Variants in RXFP2 observed in about 807,000 individuals in gnomAD.
RXFP2 encodes the protein relaxin receptor 2.
RXFP2 carries 68 observed loss-of-function variants against 88.6 expected under a neutral mutation model. That is an observed-to-expected ratio of 0.77 (90% CI 0.63 to 0.94). RXFP2 has a LOEUF of 0.94. RXFP2 is among the 40% of genes least tolerant of loss of function. The pLI is 0.00. For missense variants in RXFP2, 791 were observed against 893.9 expected, an observed-to-expected ratio of 0.88 and a Z score of 1.47; for synonymous variants, 329 against 306.8, an observed-to-expected ratio of 1.07 and a Z score of -0.76.
At chr13:31,791,772 T>G in intron 14 of RXFP2, 34 bp from the exon 15 acceptor site, 1 of 1,456,656 alleles carries the variant, frequency 6.9e-7, no homozygotes. Flanking sequence ...GTATCATTGC[T>G]GCAAAGTGAC....
intron 5 of RXFP2, among the ~76,000 whole-genome samples, chr13:31,767,805 C>T (rs973209552): frequency 6.6e-6 from 1 of 152,104 alleles, no homozygotes; most frequent in African/African-American, 2.4e-5. Context: ...ATAGTTCTAG[C>T]AATCAACTGA....
intron 3 of RXFP2, among the ~76,000 whole-genome samples, chr13:31,762,549 T>C (rs190627953): frequency 7.4e-4 from 112 of 152,304 alleles, no homozygotes; most frequent in African/African-American, 2.4e-3. Flanking sequence ...ATCCCATAGA[T>C]AGAATTTTTG....
rs745337341 is a variant in RXFP2 at position 31,758,421 on chromosome 13, G to A, written c.241+17G>A. 6.2e-7 allele frequency: 1 copy of A among 1,613,698 alleles called. No individual in the cohort carries two copies. Among genetic ancestry groups the A allele is most frequent in the South Asian group, 1.1e-5 (1 of 91,074 alleles). On this transcript the variant is annotated intron_variant, in intron 2 of 17. Transcript: ENST00000298386. ...AGAACTGTGGTGAGTGCTCCCCTCGGCTCCCCATGTGTGCCTCACTTTATG... is the reference window on the plus strand; with the variant it reads ...AGAACTGTGGTGAGTGCTCCCCTCGACTCCCCATGTGTGCCTCACTTTATG...
rs191234714 is a variant in RXFP2 at position 31,775,601 on chromosome 13, T to C, written c.641+212T>C. The stretch of plus-strand genomic sequence containing the variant: ...ATTTTAGGATGCTAAGAACCATCTG[T>C]GGCCTCTACCCACTAGATGCCTGTA... On this transcript the variant is annotated intron_variant, in intron 7 of 17. Coordinates refer to ENST00000298386, the MANE Select transcript of RXFP2 (RefSeq NM_130806.5). Among the ~76,000 whole-genome samples the C allele has an allele frequency of 7.3e-3, 1,087 of 148,732 alleles. 8 individuals are homozygous for C. The highest frequency in any genetic ancestry group is 0.027 in the African/African-American group (1,025 of 38,178).
At chr13:31,759,061 T>A (rs73443766) in intron 2 of RXFP2, among the ~76,000 whole-genome samples, 26,354 of 144,660 alleles carry the variant, frequency 0.18, 2,310 homozygotes, top group Middle Eastern at 0.24. Context: ...AAAAAAAAAA[T>A]GCATAAAGTG....
chr13:31,782,850 G>T (rs770036784), intron 11 of RXFP2, 103 bp downstream of exon 11: 1 of 741,288 alleles, frequency 1.3e-6, no homozygotes, highest in Non-Finnish European at 2.4e-6. Context: ...TCAAAATCCT[G>T]TAGACTATTG....
In RXFP2 at chr13:31,765,022, T is replaced by TAC; in HGVS notation, c.320-15_320-14insAC. The stretch of plus-strand genomic sequence containing the variant: ...TTTGTTTACTAGTGAAATCTTACTC[T>TAC]TTTTGTCCCATTAGTTCTAAAACAG... On this transcript the variant is annotated splice_polypyrimidine_tract_variant and intron_variant, in intron 3 of 17. Coordinates refer to ENST00000298386, the MANE Select transcript of RXFP2 (RefSeq NM_130806.5). 1 of 1,398,650 alleles carries TAC rather than the reference T, an allele frequency of 7.1e-7. No homozygotes were observed. The highest frequency in any genetic ancestry group is 1.4e-5 in the African/African-American group (1 of 70,766). 86.6% of individuals were successfully genotyped at this position (1,398,650 alleles called of 1,614,324 possible).
intron 7 of RXFP2, among the ~76,000 whole-genome samples, chr13:31,776,955 C>A (rs910365870): frequency 6.6e-6 from 1 of 152,148 alleles, no homozygotes; most frequent in East Asian, 1.9e-4. Context: ...AGTTTAACAC[C>A]ATGTGACCAA....
intron 1 of RXFP2, among the ~76,000 whole-genome samples, chr13:31,751,327 T>C (rs1871664525): frequency 6.6e-6 from 1 of 151,610 alleles, no homozygotes; most frequent in Non-Finnish European, 1.5e-5. Context: ...ATATACACAA[T>C]ATAGGAAAGA....
At chr13:31,797,486 C>A in intron 17 of RXFP2, 67 bp downstream of exon 17, 1 of 1,137,024 alleles carries the variant, frequency 8.8e-7, no homozygotes, top group Non-Finnish European at 1.3e-6. Flanking sequence ...TTTGACAAGG[C>A]CAGAGTCTAG....
chr13:31,739,705 A>T lies in RXFP2; in HGVS notation c.93A>T (p.Lys31Asn). ...LLHFIVLINVKDFALTQGSMI... is the reference protein window; with the variant it reads ...LLHFIVLINVNDFALTQGSMI... ...ATTTCATCGTTCTGATCAATGTCAA[A>T]GGTAAGGTTGCTACTTTCTCGTTTT... The change falls in exon 1 of 18, where the codon AAA (lysine) becomes AAT (asparagine). Residue 31 changes from lysine (K) to asparagine (N), a missense_variant and splice_region_variant. Coordinates refer to ENST00000298386, the MANE Select transcript of RXFP2 (RefSeq NM_130806.5). The T allele has an allele frequency of 1.3e-6, 2 of 1,587,240 alleles. No individual in the cohort carries two copies. The highest frequency in any genetic ancestry group is 1.7e-6 in the Non-Finnish European group (2 of 1,155,616).
chr13:31,795,537 C>T (rs999118180), intron 16 of RXFP2, among the ~76,000 whole-genome samples: 5 of 152,210 alleles, frequency 3.3e-5, no homozygotes, highest in South Asian at 2.1e-4. Flanking sequence ...TTATCTTTTA[C>T]GCTTAACTAA....
intron 1 of RXFP2, among the ~76,000 whole-genome samples, chr13:31,751,118 C>CA (rs1418868410): frequency 6.6e-6 from 1 of 151,940 alleles, no homozygotes; most frequent in African/African-American, 2.4e-5. Context: ...GGTGAAACCC[C>CA]ATCTGTACTA....
chr13:31,761,478 T>C (rs541741749), intron 2 of RXFP2, among the ~76,000 whole-genome samples: 2 of 152,352 alleles, frequency 1.3e-5, no homozygotes, highest in East Asian at 3.9e-4. Context: ...CATTTATATT[T>C]ATGTAAAATA....
intron 3 of RXFP2, among the ~76,000 whole-genome samples, chr13:31,764,337 C>T (rs1872451766): frequency 6.6e-6 from 1 of 151,818 alleles, no homozygotes. Flanking sequence ...TTAGATTTCT[C>T]ACTCCTTTAC....
intron 11 of RXFP2, among the ~76,000 whole-genome samples, chr13:31,783,392 T>C (rs1021523085): frequency 2.0e-5 from 3 of 152,246 alleles, no homozygotes; most frequent in African/African-American, 7.2e-5. Context: ...ACATTACACA[T>C]AGCAGTGATT....
chr13:31,763,703 G>A (rs978805437), intron 3 of RXFP2, among the ~76,000 whole-genome samples: 15 of 152,248 alleles, frequency 9.9e-5, no homozygotes, highest in Admixed American at 4.6e-4. Context: ...GATGGAGGGT[G>A]AACAGTTAAT....
At chr13:31,752,052 CA>C (rs1308831984) in intron 1 of RXFP2, among the ~76,000 whole-genome samples, 1 of 152,188 alleles carries the variant, frequency 6.6e-6, no homozygotes, top group Non-Finnish European at 1.5e-5. Flanking sequence ...ACAGCCACAG[CA>C]TTCTGTTTGT....
intron 1 of RXFP2, among the ~76,000 whole-genome samples, chr13:31,745,605 C>T (rs1369206649): frequency 6.6e-6 from 1 of 152,160 alleles, no homozygotes; most frequent in African/African-American, 2.4e-5. Flanking sequence ...TTCTGCAGTC[C>T]CGGCTCCCTG....
Sources: allele counts gnomAD v4.1 joint callset (sites outside exome capture counted in the v4.1 genomes callset), GRCh38; gene constraint gnomAD v4.1.1; transcripts MANE v1.5; gene names NCBI Gene and HGNC (gene_info 2026-07-23, HGNC 2026-07-21).